BICC1: variants seen among roughly 807,000 people sequenced by gnomAD.
The protein encoded by BICC1 is BicC family RNA binding protein 1, also known as protein bicaudal C homolog 1.
BICC1 carries 43 observed loss-of-function variants against 111.0 expected under a neutral mutation model. That is an observed-to-expected ratio of 0.39 (90% CI 0.30 to 0.50). The LOEUF (loss-of-function observed/expected upper bound fraction) is 0.50, where lower values mean the gene tolerates loss of function less well. Among genes scored for constraint, BICC1 ranks in the 20% least tolerant of loss-of-function variants. The pLI is 0.88. For missense variants in BICC1, 1,091 were observed against 1,203.2 expected, an observed-to-expected ratio of 0.91 and a Z score of 1.38; for synonymous variants, 467 against 434.4, an observed-to-expected ratio of 1.07 and a Z score of -0.93.
chr10:58,820,926 A>G (rs942417867), intron 20 of BICC1, among the ~76,000 whole-genome samples: 11 of 152,122 alleles, frequency 7.2e-5, no homozygotes, highest in Admixed American at 2.6e-4. Context: ...TACTTGTCTT[A>G]ATTCTTCTTA....
intron 2 of BICC1, among the ~76,000 whole-genome samples, chr10:58,644,055 A>G (rs1838197021): frequency 6.6e-6 from 1 of 152,186 alleles, no homozygotes; most frequent in African/African-American, 2.4e-5. Context: ...AATATCTACG[A>G]TGAGATATAT....
In BICC1 at chr10:58,601,140, TTATATATATATATATA is replaced by T. The variant is rs71033690; in HGVS notation, c.191-19699_191-19684del. ...ACTTTTTAGGCAGTCATTTTAAAAC[TTATATATATATATATA>T]TATATATATATATATCTCCCAATAA... On this transcript the variant is annotated intron_variant, in intron 1 of 20. Coordinates refer to ENST00000373886, the MANE Select transcript of BICC1 (RefSeq NM_001080512.3). Among the ~76,000 whole-genome samples, 72 of 100,664 alleles carry T rather than the reference TTATATATATATATATA, an allele frequency of 7.2e-4. 1 individual carries two copies. Among genetic ancestry groups the T allele is most frequent in the Admixed American group, 2.7e-3 (21 of 7,754 alleles). 66.0% of individuals were successfully genotyped at this position (100,664 alleles called of 152,430 possible).
intron 3 of BICC1, among the ~76,000 whole-genome samples, chr10:58,737,205 G>A (rs942352580): frequency 3.9e-5 from 6 of 151,926 alleles, no homozygotes; most frequent in East Asian, 1.9e-4. Flanking sequence ...CCATTAACTC[G>A]TCATTTAACA....
intron 3 of BICC1, among the ~76,000 whole-genome samples, chr10:58,715,171 T>A (rs2132499600): frequency 6.6e-6 from 1 of 152,334 alleles, no homozygotes; most frequent in Non-Finnish European, 1.5e-5. Context: ...TTGTGGTTTA[T>A]TATTACATTT....
intron 2 of BICC1, among the ~76,000 whole-genome samples, chr10:58,697,419 T>A (rs1840095155): frequency 6.6e-6 from 1 of 152,232 alleles, no homozygotes; most frequent in African/African-American, 2.4e-5. Flanking sequence ...TTCTTTCAGT[T>A]TTGGTTTTGT....
At chr10:58,622,806 A>G (rs1208186641) in intron 2 of BICC1, among the ~76,000 whole-genome samples, 1 of 152,218 alleles carries the variant, frequency 6.6e-6, no homozygotes, top group Admixed American at 6.5e-5. Flanking sequence ...GTCCTCCAGG[A>G]ACTTGCATGC....
intron 15 of BICC1, among the ~76,000 whole-genome samples, chr10:58,803,624 G>A (rs1237726089): frequency 6.6e-6 from 1 of 152,168 alleles, no homozygotes; most frequent in Non-Finnish European, 1.5e-5. Context: ...TAATGAAGAT[G>A]ATGAATGTGT....
At chr10:58,561,942 A>G (rs1489294864) in intron 1 of BICC1, among the ~76,000 whole-genome samples, 6 of 152,118 alleles carry the variant, frequency 3.9e-5, no homozygotes, top group Non-Finnish European at 8.8e-5. Context: ...TGAATATATA[A>G]TACCATTTTC....
chr10:58,761,137 C>T (rs769595656), intron 3 of BICC1, among the ~76,000 whole-genome samples: 3 of 152,032 alleles, frequency 2.0e-5, no homozygotes, highest in Non-Finnish European at 4.4e-5. Flanking sequence ...GGATTACAGG[C>T]GTGAGCCACT....
At chr10:58,555,203 A>G (rs894389466) in intron 1 of BICC1, among the ~76,000 whole-genome samples, 7 of 151,790 alleles carry the variant, frequency 4.6e-5, no homozygotes, top group Non-Finnish European at 7.4e-5. Flanking sequence ...CTTTCAGTGC[A>G]AACTTCTGAA....
chr10:58,686,400 G>C (rs1340123614), intron 2 of BICC1, among the ~76,000 whole-genome samples: 1 of 152,106 alleles, frequency 6.6e-6, no homozygotes, highest in Non-Finnish European at 1.5e-5. Flanking sequence ...TCCTGAATTT[G>C]AATGTTGGCC....
intron 3 of BICC1, among the ~76,000 whole-genome samples, chr10:58,753,899 T>C (rs1448996260): frequency 2.6e-5 from 4 of 152,130 alleles, no homozygotes; most frequent in Non-Finnish European, 5.9e-5. Flanking sequence ...CTTCCCCCCC[T>C]TTACTTTTCT....
At chr10:58,615,675 AACACTTGGCATG>A (rs1845579424) in intron 1 of BICC1, among the ~76,000 whole-genome samples, 1 of 152,084 alleles carries the variant, frequency 6.6e-6, no homozygotes, top group South Asian at 2.1e-4. Flanking sequence ...GCTGGAACCT[AACACTTGGCATG>A]ACACTTGGCA....
chr10:58,695,249 GA>G (rs1208641331), intron 2 of BICC1, among the ~76,000 whole-genome samples: 1 of 152,128 alleles, frequency 6.6e-6, no homozygotes, highest in Non-Finnish European at 1.5e-5. Flanking sequence ...CCTCGAGTGA[GA>G]AGTTCACAAC....
intron 2 of BICC1, among the ~76,000 whole-genome samples, chr10:58,624,654 C>A (rs764422220): frequency 3.3e-5 from 5 of 152,142 alleles, no homozygotes; most frequent in Non-Finnish European, 7.4e-5. Flanking sequence ...AGTACACTGG[C>A]GTGATCTCAG....
intron 3 of BICC1, among the ~76,000 whole-genome samples, chr10:58,732,241 C>T (rs987874246): frequency 7.0e-6 from 1 of 141,872 alleles, no homozygotes; most frequent in African/African-American, 2.7e-5. Context: ...ATAAGGAGGC[C>T]CAAGGCGGCG....
intron 19 of BICC1, among the ~76,000 whole-genome samples, chr10:58,818,684 GA>G (rs1844170030): frequency 6.6e-6 from 1 of 151,464 alleles, no homozygotes; most frequent in South Asian, 2.1e-4. Context: ...TCAGGGTATT[GA>G]TTTTTTTTTT....
At chr10:58,639,722 T>TTA (rs1346373132) in intron 2 of BICC1, among the ~76,000 whole-genome samples, 12 of 132,288 alleles carry the variant, frequency 9.1e-5, no homozygotes, top group Non-Finnish European at 1.6e-4. Context: ...CGGCCAAATT[T>TTA]TTTTTTTTTT....
rs375015981 is a variant in BICC1, at chr10:58,550,026, T to C, written c.190+36693T>C. ...TTCTTTGTATATTTTAATTATTTAT[T>C]TAGTTTGGAGACAGGGTCTTGCTCT... On this transcript the variant is annotated intron_variant, in intron 1 of 20. Transcript: ENST00000373886. Among the ~76,000 whole-genome samples, 196 of 152,176 alleles carry C rather than the reference T, an allele frequency of 1.3e-3. 1 individual carries two copies. The highest frequency in any genetic ancestry group is 2.1e-3 in the Non-Finnish European group (145 of 67,992).
Sources: allele counts gnomAD v4.1 joint callset (sites outside exome capture counted in the v4.1 genomes callset), GRCh38; gene constraint gnomAD v4.1.1; transcripts MANE v1.5; gene names NCBI Gene and HGNC (gene_info 2026-07-23, HGNC 2026-07-21).